GALNT15: variants seen among roughly 807,000 people sequenced by gnomAD.
The protein encoded by GALNT15 is polypeptide N-acetylgalactosaminyltransferase 15.
A neutral mutation model predicts 66.8 loss-of-function variants in GALNT15; 67 were observed. The ratio of observed to expected loss-of-function variants is 1.00; its 90% CI spans 0.82 to 1.23. The LOEUF (loss-of-function observed/expected upper bound fraction) is 1.23, where lower values mean the gene tolerates loss of function less well. Among genes scored for constraint, GALNT15 ranks in the 50% most tolerant of loss-of-function variants. The pLI is 0.00. For missense variants in GALNT15, 827 were observed against 804.3 expected (o/e 1.03, Z -0.34); for synonymous variants, 313 against 311.5 (o/e 1.00, Z -0.05).
At position 16,227,638 on chromosome 3, in the gene GALNT15, A is replaced by G; in HGVS notation, c.*138A>G. 1 of 1,506,842 alleles carries G rather than the reference A, an allele frequency of 6.6e-7. No individual in the cohort carries two copies. The highest frequency in any genetic ancestry group is 8.8e-7 in the Non-Finnish European group (1 of 1,138,422). 93.3% of individuals were successfully genotyped at this position (1,506,842 alleles called of 1,614,324 possible). A position where few individuals can be genotyped will look rare whatever the true frequency, so the allele number is the denominator to read the frequency against. On this transcript the variant is annotated 3_prime_UTR_variant, in exon 10 of 10. Coordinates refer to ENST00000339732, the MANE Select transcript of GALNT15 (RefSeq NM_054110.5). The surrounding 1 kb of genome is among the most constrained non-coding windows in gnomAD (Gnocchi z 4.5). ...GTTAGGAGAGAAAAAAGCTCTATGA[A>G]AGAATATAGGAAGTTTCTCCTTTTC...
rs2063783737 is a variant in GALNT15, at chr3:16,208,731, C to T, written c.1079+61C>T. ...TCCTCAGGATGGACTCTGCAGCCTG[C>T]CTGCCTGGGGTCTAATCCTACCTCC... On this transcript the variant is annotated intron_variant, in intron 4 of 9. Transcript: ENST00000339732. The T allele has an allele frequency of 3.4e-6, 5 of 1,489,430 alleles. No homozygotes were observed. The South Asian group carries it at 5.8e-5, about 17-fold the overall frequency. The allele number at this position is 1,489,430 out of a possible 1,614,324, so 92.3% of individuals were successfully genotyped here.
chr3:16,219,845 G>T lies in GALNT15; in HGVS notation c.1525-65G>T. 1 of 1,303,944 alleles carries T rather than the reference G, an allele frequency of 7.7e-7. No homozygotes were observed. The highest frequency in any genetic ancestry group is 1.2e-5 in the South Asian group (1 of 84,120). The allele number at this position is 1,303,944 out of a possible 1,614,324, so 80.8% of individuals were successfully genotyped here. ...CCAGAGAATACAGCAAAGGAATGGT[G>T]TCTGACCGAGGGTGTCTTTACAGTG... On this transcript the variant is annotated intron_variant, in intron 7 of 9. Transcript: ENST00000339732. The surrounding 1 kb of genome is among the most constrained non-coding windows in gnomAD (Gnocchi z 4.3).
intron 2 of GALNT15, among the ~76,000 whole-genome samples, chr3:16,199,692 ATGGGG>A (rs2063678443): frequency 6.6e-6 from 1 of 151,830 alleles, no homozygotes; most frequent in African/African-American, 2.4e-5. Context: ...GCCTGATCCC[ATGGGG>A]GACTCTGGAG....
chr3:16,239,313 C>A, the GALNT15 span, among the ~76,000 whole-genome samples: 1 of 152,126 alleles, frequency 6.6e-6, no homozygotes, highest in Admixed American at 6.5e-5. This position sits in a 1 kb window ranked among gnomAD's most constrained non-coding sequence, Gnocchi z 5.2. Flanking sequence ...GTTCTGCAAA[C>A]CAGGAAGTGG....
chr3:16,208,724 C>A (rs1236301293), intron 4 of GALNT15, 54 bp downstream of exon 4: 8 of 1,534,162 alleles, frequency 5.2e-6, no homozygotes, highest in African/African-American at 2.7e-5. Context: ...ATGGACTCTG[C>A]AGCCTGCCTG....
At chr3:16,197,196 G>A (rs899489327) in intron 2 of GALNT15, among the ~76,000 whole-genome samples, 1 of 152,164 alleles carries the variant, frequency 6.6e-6, no homozygotes, top group Non-Finnish European at 1.5e-5. Flanking sequence ...TGTGCCCCTC[G>A]GGAGTACGGA....
rs1241103096 is a variant in GALNT15 at position 16,200,922 on chromosome 3, A to G, written c.911+99A>G. The G allele has an allele frequency of 3.4e-6, 3 of 881,888 alleles. No homozygotes were observed. Among genetic ancestry groups the G allele is most frequent in the East Asian group, 2.9e-5 (1 of 34,954 alleles). The allele number at this position is 881,888 out of a possible 1,614,324, so 54.6% of individuals were successfully genotyped here. On this transcript the variant is annotated intron_variant, in intron 3 of 9. Transcript: ENST00000339732. The surrounding 1 kb of genome is among the most constrained non-coding windows in gnomAD (Gnocchi z 4.4). ...GAGCAACCCACCTATTAATTCCTGA[A>G]TCTCCATTAGAGAGTGATATATTCC...
chr3:16,227,992 T>C lies in GALNT15; in HGVS notation c.*492T>C, dbSNP rs1327764697. On this transcript the variant is annotated 3_prime_UTR_variant, in exon 10 of 10. Transcript: ENST00000339732. This position sits in a 1 kb window ranked among gnomAD's most constrained non-coding sequence, Gnocchi z 4.5. ...GAATTGGGTTTATTAGCACAAATGTTGTGTTCATTTGTTGAGCCATATCTC... is the reference window on the plus strand; with the variant it reads ...GAATTGGGTTTATTAGCACAAATGTCGTGTTCATTTGTTGAGCCATATCTC... 5.1e-6 allele frequency: 5 copies of C among 989,652 alleles called. No individual in the cohort carries two copies. Among genetic ancestry groups the C allele is most frequent in the Non-Finnish European group, 6.0e-6 (5 of 832,922 alleles). The allele number at this position is 989,652 out of a possible 1,614,324, so 61.3% of individuals were successfully genotyped here. A position where few individuals can be genotyped will look rare whatever the true frequency, so the allele number is the denominator to read the frequency against.
intron 1 of GALNT15, among the ~76,000 whole-genome samples, chr3:16,192,093 C>T (rs185114394): frequency 2.6e-5 from 4 of 152,134 alleles, no homozygotes; most frequent in African/African-American, 9.7e-5. Flanking sequence ...GAGTGAATTA[C>T]CCAAGGAAAC....
the GALNT15 span, among the ~76,000 whole-genome samples, chr3:16,239,533 CA>C: frequency 6.6e-6 from 1 of 152,150 alleles, no homozygotes. This position sits in a 1 kb window ranked among gnomAD's most constrained non-coding sequence, Gnocchi z 5.2. Flanking sequence ...TTCAATGCCC[CA>C]GAAGCAGCTC....
At chr3:16,215,916 A>AAAAAC in intron 6 of GALNT15, among the ~76,000 whole-genome samples, 1 of 143,530 alleles carries the variant, frequency 7.0e-6, no homozygotes, top group African/African-American at 2.6e-5. Flanking sequence ...CAAAAAAAAA[A>AAAAAC]AAAAAAAAAG....
Position 16,224,875 on chromosome 3 carries a change from A to G in GALNT15, c.1773+2117A>G, listed in dbSNP as rs842277. ...TGGTCTCGAACTCCTGACATCAGGTAATCTGCCTGCCTCGGCCTCCCAAAG... is the reference window on the plus strand; with the variant it reads ...TGGTCTCGAACTCCTGACATCAGGTGATCTGCCTGCCTCGGCCTCCCAAAG... On this transcript the variant is annotated intron_variant, in intron 9 of 9. Transcript: ENST00000339732. This position sits in a 1 kb window ranked among gnomAD's most constrained non-coding sequence, Gnocchi z 5.2. Among the ~76,000 whole-genome samples the G allele has an allele frequency of 0.041, 6,303 of 152,070 alleles. 177 individuals are homozygous for G. Among genetic ancestry groups the G allele is most frequent in the South Asian group, 0.066 (316 of 4,800 alleles).
In GALNT15 at chr3:16,229,195, A is replaced by G; in HGVS notation, c.*1695A>G. On this transcript the variant is annotated 3_prime_UTR_variant, in exon 10 of 10. Transcript: ENST00000339732. ...GTGTTTCCAAACAATACCTATCATA[A>G]CTACGTATTCATTGTCTACCTGCTA... is the stretch of plus-strand genomic sequence containing the variant. 5 of 985,310 alleles carry G rather than the reference A, an allele frequency of 5.1e-6. No individual in the cohort carries two copies. Among genetic ancestry groups the G allele is most frequent in the Non-Finnish European group, 6.0e-6 (5 of 829,816 alleles). 61.0% of individuals were successfully genotyped at this position (985,310 alleles called of 1,614,324 possible).
chr3:16,241,206 T>C, the GALNT15 span, among the ~76,000 whole-genome samples: 4 of 152,224 alleles, frequency 2.6e-5, no homozygotes, highest in African/African-American at 9.6e-5. This position sits in a 1 kb window ranked among gnomAD's most constrained non-coding sequence, Gnocchi z 4.6. Context: ...CAAATTTTGC[T>C]TAGCTTTTTG....
intron 3 of GALNT15, among the ~76,000 whole-genome samples, chr3:16,206,279 G>A (rs1487294797): frequency 2.6e-5 from 4 of 151,684 alleles, no homozygotes; most frequent in Non-Finnish European, 4.4e-5. Context: ...GCTACTCGGG[G>A]AGCTGAGGCT....
chr3:16,236,501 C>T (rs2064126441), downstream of GALNT15, among the ~76,000 whole-genome samples: 1 of 152,224 alleles, frequency 6.6e-6, no homozygotes, highest in African/African-American at 2.4e-5. Flanking sequence ...CATAGTTTGC[C>T]ACCCCCTGGA....
chr3:16,189,753 A>C lies in GALNT15; in HGVS notation c.540-6007A>C, dbSNP rs1205090648. ...TATGCATAAGTACTTCAAATGTATT[A>C]GCTCATTTGGTCCTTCCAACAACCT... On this transcript the variant is annotated intron_variant, in intron 1 of 9. Coordinates refer to ENST00000339732, the MANE Select transcript of GALNT15 (RefSeq NM_054110.5). The surrounding 1 kb of genome is among the most constrained non-coding windows in gnomAD (Gnocchi z 5.1). Among the ~76,000 whole-genome samples the C allele has an allele frequency of 1.3e-5, 2 of 152,232 alleles. No homozygotes were observed. Among genetic ancestry groups the C allele is most frequent in the African/African-American group, 4.8e-5 (2 of 41,468 alleles).
chr3:16,239,686 G>C, the GALNT15 span, among the ~76,000 whole-genome samples: 1 of 152,188 alleles, frequency 6.6e-6, no homozygotes, highest in Non-Finnish European at 1.5e-5. The surrounding 1 kb of genome is among the most constrained non-coding windows in gnomAD (Gnocchi z 5.2). Flanking sequence ...TGTGGCCCAG[G>C]TGTGACAACC....
chr3:16,213,821 C>A (rs1358677666), intron 6 of GALNT15, among the ~76,000 whole-genome samples: 1 of 152,168 alleles, frequency 6.6e-6, no homozygotes, highest in Non-Finnish European at 1.5e-5. Flanking sequence ...GACAGGGAAG[C>A]CCCATAGAGC....
Sources: gnomAD v4.1 joint callset for allele counts (sites outside exome capture counted in the v4.1 genomes callset) on GRCh38, gnomAD v4.1.1 for gene constraint, Gnocchi (gnomAD v3.1) non-coding constraint, MANE v1.5 for transcripts, NCBI Gene and HGNC (gene_info 2026-07-23, HGNC 2026-07-21) for gene names.